The following OLR1 variants were observed in gnomAD, a reference collection of about 807,000 sequenced individuals.
OLR1 encodes oxidized low density lipoprotein receptor 1.
Under a neutral mutation model 31.7 loss-of-function variants are expected in OLR1, and 23 were observed. That is an observed-to-expected ratio of 0.72 (90% CI 0.52 to 1.03). The LOEUF (loss-of-function observed/expected upper bound fraction) is 1.03. Among genes scored for constraint, OLR1 ranks in the 50% least tolerant of loss-of-function variants. The pLI, the probability that OLR1 is intolerant of heterozygous loss-of-function variation, is 0.00. For missense variants in OLR1, 286 were observed against 315.7 expected (o/e 0.91, Z 0.71); for synonymous variants, 117 against 115.8 (o/e 1.01, Z -0.07).
upstream of OLR1, among the ~76,000 whole-genome samples, chr12:10,173,305 G>GA (rs35622937): frequency 0.11 from 16,909 of 150,802 alleles, 1,110 homozygotes; most frequent in South Asian, 0.26. Flanking sequence ...ATTACTCCAG[G>GA]AAAAAAAAGT....
rs149011911 is a variant in OLR1, at chr12:10,158,699, C to G, written c.*1181G>C. The G allele has an allele frequency of 6.6e-5, 10 of 151,836 alleles. No individual in the cohort carries two copies. The highest frequency in any genetic ancestry group is 1.2e-4 in the Non-Finnish European group (8 of 67,986). 9.4% of individuals were successfully genotyped at this position (151,836 alleles called of 1,614,324 possible). A position where few individuals can be genotyped will look rare whatever the true frequency, so the allele number is the denominator to read the frequency against. ...GTGTGAAAACTTATCAAATAGTACA[C>G]TTTAAATATGTTCAGTTTATTTTAT... On this transcript the variant is annotated 3_prime_UTR_variant, in exon 6 of 6. Coordinates refer to ENST00000309539, the MANE Select transcript of OLR1 (RefSeq NM_002543.4).
rs35738181 is a variant in OLR1, at chr12:10,158,855, A to G, written c.*1025T>C. 6.4e-4 allele frequency: 97 copies of G among 152,290 alleles called. No homozygotes were observed. The highest frequency in any genetic ancestry group is 2.1e-3 in the African/African-American group (89 of 41,574). The allele number at this position is 152,290 out of a possible 1,614,324, so 9.4% of individuals were successfully genotyped here. A position where few individuals can be genotyped will look rare whatever the true frequency, so the allele number is the denominator to read the frequency against. ...CAGCAAAATAAAAAGGCTTCCTTTA[A>G]AGTAGAATAGCCTGTGAAGAGTGGG... is the stretch of plus-strand genomic sequence containing the variant. On this transcript the variant is annotated 3_prime_UTR_variant, in exon 6 of 6. Transcript: ENST00000309539.
intron 1 of OLR1, among the ~76,000 whole-genome samples, 170 bp downstream of exon 1, chr12:10,171,832 G>T (rs35688880): frequency 0.068 from 10,344 of 152,172 alleles, 520 homozygotes; most frequent in South Asian, 0.21. Context: ...TAAATAAGTT[G>T]TCATCATCAT....
chr12:10,169,197 T>A (rs748935732), intron 1 of OLR1, 22 bp from the exon 2 acceptor site: 8 of 1,560,378 alleles, frequency 5.1e-6, no homozygotes, highest in Admixed American at 3.7e-5. Context: ...GAGGATAGAA[T>A]CAGAAAGACA....
At chr12:10,161,259 A>C (rs1158576649) in intron 3 of OLR1, among the ~76,000 whole-genome samples, 1 of 152,226 alleles carries the variant, frequency 6.6e-6, no homozygotes, top group Non-Finnish European at 1.5e-5. Flanking sequence ...TGATTTTAGC[A>C]ACCTAAATGT....
At chr12:10,166,607 T>C in intron 3 of OLR1, 105 bp downstream of exon 3, 1 of 1,023,174 alleles carries the variant, frequency 9.8e-7, no homozygotes, top group South Asian at 1.4e-5. Context: ...AATAATGATA[T>C]GCATAACAAT....
At chr12:10,170,487 T>C (rs1179235648) in intron 1 of OLR1, 1 of 130,786 alleles carries the variant, frequency 7.6e-6, no homozygotes, top group Middle Eastern at 3.6e-3. Context: ...ACCCTCATCG[T>C]GCTCTTTTTT....
At chr12:10,174,405 G>A (rs1948751353), upstream of OLR1, among the ~76,000 whole-genome samples, 1 of 152,156 alleles carries the variant, frequency 6.6e-6, no homozygotes, top group African/African-American at 2.4e-5. Context: ...CAGACAGGAT[G>A]CTTTTAAATG....
At chr12:10,164,724 G>C (rs1271621344) in intron 3 of OLR1, among the ~76,000 whole-genome samples, 3 of 152,136 alleles carry the variant, frequency 2.0e-5, no homozygotes, top group African/African-American at 7.2e-5. Flanking sequence ...CCATATACCT[G>C]ATGTAATGAC....
chr12:10,165,242 G>A (rs1343651536), intron 3 of OLR1, among the ~76,000 whole-genome samples: 4 of 149,300 alleles, frequency 2.7e-5, no homozygotes, highest in Admixed American at 6.8e-5. Context: ...CAGCCTGGGG[G>A]ACAGAGCGAG....
chr12:10,172,227 C>T (rs1327085551), upstream of OLR1: 8 of 601,056 alleles, frequency 1.3e-5, no homozygotes, highest in Admixed American at 1.2e-4. Context: ...AGAGGCTTTG[C>T]TTCATATTGG....
chr12:10,160,541 A>C, intron 4 of OLR1, 79 bp from the exon 5 acceptor site: 1 of 1,174,826 alleles, frequency 8.5e-7, no homozygotes, highest in Non-Finnish European at 1.2e-6. Context: ...TGTTGGATCC[A>C]CAAAACTAAA....
At chr12:10,170,514 G>A (rs562963921) in intron 1 of OLR1, 1 of 87,040 alleles carries the variant, frequency 1.1e-5, no homozygotes, top group Non-Finnish European at 2.4e-5. Context: ...TTTTTTTTGA[G>A]GGGGAGCTTG....
chr12:10,160,979 T>C, intron 3 of OLR1, 54 bp from the exon 4 acceptor site: 1 of 1,541,908 alleles, frequency 6.5e-7, no homozygotes, highest in Non-Finnish European at 8.9e-7. Context: ...AAAGCAGTAC[T>C]GCAGTTCTTA....
At chr12:10,160,657 G>T in intron 4 of OLR1, 129 bp downstream of exon 4, 1 of 1,222,582 alleles carries the variant, frequency 8.2e-7, no homozygotes, top group Non-Finnish European at 1.2e-6. Context: ...CACAAAATTG[G>T]TGATCAGACT....
chr12:10,163,226 T>C (rs1948634423), intron 3 of OLR1, among the ~76,000 whole-genome samples: 1 of 152,142 alleles, frequency 6.6e-6, no homozygotes, highest in Non-Finnish European at 1.5e-5. Flanking sequence ...AATGTAACTC[T>C]AGAGTCTGGG....
chr12:10,161,942 TATAAAA>T (rs949224540), intron 3 of OLR1, among the ~76,000 whole-genome samples: 2 of 46,334 alleles, frequency 4.3e-5, no homozygotes, highest in Non-Finnish European at 1.1e-4. Flanking sequence ...TATATATATA[TATAAAA>T]AACACATACT....
chr12:10,172,670 C>T (rs773611806), upstream of OLR1, among the ~76,000 whole-genome samples: 10 of 152,168 alleles, frequency 6.6e-5, no homozygotes, highest in Non-Finnish European at 1.5e-4. Flanking sequence ...GCTACTAGTT[C>T]ATGCAGTGCC....
At chr12:10,172,200 C>G (rs1478980214), upstream of OLR1, 1 of 667,512 alleles carries the variant, frequency 1.5e-6, no homozygotes, top group East Asian at 2.7e-5. Flanking sequence ...ATGACTCAAT[C>G]ATTGGTAGGA....
Sources: allele counts gnomAD v4.1 joint callset (sites outside exome capture counted in the v4.1 genomes callset), GRCh38; gene constraint gnomAD v4.1.1; transcripts MANE v1.5; gene names NCBI Gene and HGNC (gene_info 2026-07-23, HGNC 2026-07-21).